The following WWOX variants were observed in gnomAD, a reference collection of about 807,000 sequenced individuals.
WWOX encodes WW domain-containing oxidoreductase.
WWOX carries 69 observed loss-of-function variants against 46.2 expected under a neutral mutation model. The ratio of observed to expected loss-of-function variants is 1.49; its 90% CI spans 1.23 to 1.82. The LOEUF (loss-of-function observed/expected upper bound fraction) is 1.82, where lower values mean the gene tolerates loss of function less well. Among genes scored for constraint, WWOX ranks in the 40% most tolerant of loss-of-function variants. The probability of loss-of-function intolerance (pLI) is 0.00; values close to 1 mark genes in which losing one functional copy is unlikely to be tolerated. For missense variants in WWOX, 919 were observed against 542.6 expected (o/e 1.69, Z -6.89); for synonymous variants, 359 against 202.6 (o/e 1.77, Z -6.56).
chr16:78,581,526 G>C (rs16948114), intron 8 of WWOX, among the ~76,000 whole-genome samples: 1 of 152,030 alleles, frequency 6.6e-6, no homozygotes, highest in African/African-American at 2.4e-5. Context: ...TAGTCTTGTC[G>C]TCTTACACGT....
chr16:78,333,191 C>T (rs1567507291), intron 5 of WWOX, among the ~76,000 whole-genome samples: 1 of 151,226 alleles, frequency 6.6e-6, no homozygotes, highest in Non-Finnish European at 1.5e-5. Context: ...GCTGGGACTA[C>T]AGGAGCATAC....
At chr16:78,837,996 C>T (rs2052035574) in intron 8 of WWOX, among the ~76,000 whole-genome samples, 1 of 152,276 alleles carries the variant, frequency 6.6e-6, no homozygotes, top group African/African-American at 2.4e-5. Flanking sequence ...CTCCAAAGGT[C>T]TTTGCACCTC....
intron 8 of WWOX, among the ~76,000 whole-genome samples, chr16:79,119,917 A>T (rs1165848417): frequency 6.6e-6 from 1 of 152,160 alleles, no homozygotes; most frequent in Non-Finnish European, 1.5e-5. Flanking sequence ...GCTGGGCAGG[A>T]GAACTGCCTT....
intron 5 of WWOX, among the ~76,000 whole-genome samples, chr16:78,376,408 G>T (rs549529489): frequency 5.3e-5 from 8 of 152,316 alleles, no homozygotes; most frequent in African/African-American, 1.7e-4. Context: ...ATTTGAACCA[G>T]GCTGTCCCTG....
chr16:78,109,896 A>G (rs1364414510), intron 3 of WWOX, 61 bp downstream of exon 3: 1 of 1,533,486 alleles, frequency 6.5e-7, no homozygotes, highest in African/African-American at 1.4e-5. Context: ...ATTTTTAATT[A>G]TAAAAGTAAT....
rs536741428 is a variant in WWOX, at chr16:78,709,663, G to T, written c.1056+276911G>T. The stretch of plus-strand genomic sequence containing the variant: ...AGGGAATGAAAACCAACTGCCCTGT[G>T]ATTCCAAGTCTGCTGATGCATGTGA... On this transcript the variant is annotated intron_variant, in intron 8 of 8. Coordinates refer to ENST00000566780, the MANE Select transcript of WWOX (RefSeq NM_016373.4). 2.0e-5 allele frequency among the ~76,000 whole-genome samples: 3 copies of T among 152,054 alleles called. No individual in the cohort carries two copies. In the South Asian group the frequency reaches 6.2e-4, roughly 32 times the overall value.
At chr16:79,065,660 C>A (rs1437017658) in intron 8 of WWOX, among the ~76,000 whole-genome samples, 1 of 152,162 alleles carries the variant, frequency 6.6e-6, no homozygotes, top group Non-Finnish European at 1.5e-5. Flanking sequence ...GAATTCAGAC[C>A]CCTCTCCTAA....
chr16:78,333,684 A>G (rs970395832), intron 5 of WWOX, among the ~76,000 whole-genome samples: 1 of 152,202 alleles, frequency 6.6e-6, no homozygotes, highest in African/African-American at 2.4e-5. Flanking sequence ...CAGGAGGCAT[A>G]TATGTTTGTA....
chr16:79,149,571 C>G (rs767850745), intron 8 of WWOX, among the ~76,000 whole-genome samples: 1 of 152,204 alleles, frequency 6.6e-6, no homozygotes. Context: ...TTCCTAGGGA[C>G]GGTCTCAAAT....
chr16:78,529,821 A>C (rs1259565397), intron 8 of WWOX, among the ~76,000 whole-genome samples: 1 of 152,222 alleles, frequency 6.6e-6, no homozygotes, highest in Non-Finnish European at 1.5e-5. Flanking sequence ...AAAGGGAGCC[A>C]GCTATACTTA....
chr16:78,452,154 T>TAATA (rs2151412830), intron 8 of WWOX, among the ~76,000 whole-genome samples: 1 of 152,328 alleles, frequency 6.6e-6, no homozygotes, highest in Admixed American at 6.5e-5. Context: ...CAGAATCTCT[T>TAATA]AATACCAGGC....
intron 8 of WWOX, among the ~76,000 whole-genome samples, chr16:78,802,369 A>G (rs945555551): frequency 6.6e-6 from 1 of 152,072 alleles, no homozygotes; most frequent in Non-Finnish European, 1.5e-5. Flanking sequence ...TAGGTCTGTG[A>G]ATGGAATTGA....
chr16:78,555,438 T>C (rs1483154201), intron 8 of WWOX, among the ~76,000 whole-genome samples: 1 of 152,148 alleles, frequency 6.6e-6, no homozygotes, highest in African/African-American at 2.4e-5. Context: ...TTTGTGGCTT[T>C]AGGTAAATTA....
intron 5 of WWOX, among the ~76,000 whole-genome samples, chr16:78,252,551 A>C (rs2038011752): frequency 1.3e-5 from 2 of 152,212 alleles, no homozygotes; most frequent in Non-Finnish European, 2.9e-5. Flanking sequence ...GCAAATGACT[A>C]TGCCCGTTAG....
At chr16:78,376,952 T>C (rs1392536133) in intron 5 of WWOX, among the ~76,000 whole-genome samples, 6 of 152,214 alleles carry the variant, frequency 3.9e-5, no homozygotes, top group Admixed American at 2.6e-4. Flanking sequence ...TTTTGTCTTT[T>C]TATTGAATTT....
chr16:78,634,012 C>T (rs895413982), intron 8 of WWOX, among the ~76,000 whole-genome samples: 29 of 152,034 alleles, frequency 1.9e-4, no homozygotes, highest in South Asian at 6.2e-4. Flanking sequence ...AGGCAACCCT[C>T]GAGCCAACTG....
At chr16:78,365,723 C>G (rs1236335292) in intron 5 of WWOX, among the ~76,000 whole-genome samples, 2 of 152,146 alleles carry the variant, frequency 1.3e-5, no homozygotes, top group African/African-American at 2.4e-5. Context: ...TTTCTGTAAG[C>G]AATCTCCTTA....
Position 78,904,476 on chromosome 16 carries a change from A to T in WWOX, c.1057-307132A>T, listed in dbSNP as rs139650177. Among the ~76,000 whole-genome samples the T allele has an allele frequency of 5.4e-3, 827 of 151,938 alleles. 5 individuals carry two copies. The highest frequency in any genetic ancestry group is 0.019 in the African/African-American group (774 of 41,424). ...ATGGTCTTCTTCTCTTGACCTTGTGATCTGCCTGCCCCAGCCTCCCAAAGT... is the reference window on the plus strand; with the variant it reads ...ATGGTCTTCTTCTCTTGACCTTGTGTTCTGCCTGCCCCAGCCTCCCAAAGT... On this transcript the variant is annotated intron_variant, in intron 8 of 8. Transcript: ENST00000566780.
intron 8 of WWOX, among the ~76,000 whole-genome samples, chr16:78,876,409 G>C (rs1413885399): frequency 6.6e-6 from 1 of 150,704 alleles, no homozygotes; most frequent in Admixed American, 6.6e-5. Flanking sequence ...ACTCTGTTAT[G>C]ACAGAAACTC....
Sources: allele counts gnomAD v4.1 joint callset (sites outside exome capture counted in the v4.1 genomes callset), GRCh38; gene constraint gnomAD v4.1.1; transcripts MANE v1.5; gene names NCBI Gene and HGNC (gene_info 2026-07-23, HGNC 2026-07-21).